The following PTPRT variants were observed in gnomAD, a reference collection of about 807,000 sequenced individuals.
The protein encoded by PTPRT is receptor-type tyrosine-protein phosphatase T.
A neutral mutation model predicts 176.8 loss-of-function variants in PTPRT; 56 were observed. The observed-to-expected ratio is 0.32, with a 90% confidence interval of 0.26 to 0.40. The LOEUF (loss-of-function observed/expected upper bound fraction) is 0.40. Among genes scored for constraint, PTPRT ranks in the 10% least tolerant of loss-of-function variants. The pLI is 1.00. For synonymous variants in PTPRT, 783 were observed against 739.0 expected (o/e 1.06, Z -0.96); for missense variants, 1,540 against 1,908.2 (o/e 0.81, Z 3.60).
chr20:42,885,727 G>A (rs1449082255), intron 2 of PTPRT, 80 bp downstream of exon 2: 1 of 1,523,854 alleles, frequency 6.6e-7, no homozygotes. Flanking sequence ...AGCTCAATGT[G>A]TAAGTAAGTT....
intron 9 of PTPRT, among the ~76,000 whole-genome samples, chr20:42,433,986 C>T (rs8123429): frequency 0.79 from 120,693 of 152,106 alleles, 48,166 homozygotes; most frequent in Admixed American, 0.85. Flanking sequence ...AAAGTAAATA[C>T]GGTCCATATG....
chr20:42,351,685 A>AATTCATTCATTCATTC (rs56938076), intron 10 of PTPRT, among the ~76,000 whole-genome samples: 1 of 150,834 alleles, frequency 6.6e-6, no homozygotes, highest in Non-Finnish European at 1.5e-5. Context: ...CTATAATAGT[A>AATTCATTCATTCATTC]ATTCATTCAT....
chr20:42,819,654 C>T (rs945593996), intron 2 of PTPRT, among the ~76,000 whole-genome samples: 5 of 151,744 alleles, frequency 3.3e-5, no homozygotes, highest in African/African-American at 1.2e-4. Flanking sequence ...ATTCAGGAGA[C>T]CCAACTTACA....
At chr20:43,142,863 C>T (rs1330749832) in intron 1 of PTPRT, among the ~76,000 whole-genome samples, 2 of 152,200 alleles carry the variant, frequency 1.3e-5, no homozygotes, top group Admixed American at 1.3e-4. Context: ...GCTGCCTCTA[C>T]CAACAGAAAG....
chr20:42,195,059 G>A (rs1189886452), intron 16 of PTPRT, among the ~76,000 whole-genome samples: 3 of 152,128 alleles, frequency 2.0e-5, no homozygotes, highest in African/African-American at 7.2e-5. Flanking sequence ...AATGTTAAAT[G>A]ACGAGTTACT....
At chr20:42,296,179 G>C (rs980700133) in intron 12 of PTPRT, among the ~76,000 whole-genome samples, 1 of 152,216 alleles carries the variant, frequency 6.6e-6, no homozygotes. Context: ...CAGGTGCCCT[G>C]GCTTACGCCT....
intron 27 of PTPRT, among the ~76,000 whole-genome samples, chr20:42,092,926 G>C (rs914310307): frequency 6.6e-6 from 1 of 152,192 alleles, no homozygotes; most frequent in Non-Finnish European, 1.5e-5. Context: ...GCTTTCCACA[G>C]TGGGAGCCCC....
chr20:42,915,045 C>G (rs1978645357), intron 1 of PTPRT, among the ~76,000 whole-genome samples: 1 of 151,986 alleles, frequency 6.6e-6, no homozygotes, highest in African/African-American at 2.4e-5. Flanking sequence ...AAAATGAAAG[C>G]TAAGGAGGGA....
intron 7 of PTPRT, among the ~76,000 whole-genome samples, chr20:42,575,105 G>GC (rs1368951600): frequency 2.0e-5 from 3 of 152,144 alleles, no homozygotes; most frequent in Non-Finnish European, 4.4e-5. Flanking sequence ...GGACCGACTG[G>GC]TGCAAAGCTG....
At chr20:42,624,004 G>GCAAAAAAAAAAAAAAAAAAA (rs2074245799) in intron 7 of PTPRT, among the ~76,000 whole-genome samples, 2 of 97,810 alleles carry the variant, frequency 2.0e-5, no homozygotes, top group Non-Finnish European at 4.0e-5. Context: ...CAAAACAATA[G>GCAAAAAAAAAAAAAAAAAAA]CAACAAACAA....
chr20:42,980,590 C>T (rs1983218684), intron 1 of PTPRT, among the ~76,000 whole-genome samples: 2 of 152,180 alleles, frequency 1.3e-5, no homozygotes, highest in African/African-American at 4.8e-5. Flanking sequence ...TTCCCCCCAC[C>T]CTACTGCAGC....
intron 7 of PTPRT, among the ~76,000 whole-genome samples, chr20:42,577,064 T>A (rs944086084): frequency 4.9e-4 from 74 of 152,222 alleles, no homozygotes; most frequent in African/African-American, 1.8e-3. Flanking sequence ...TCAAGCAGTA[T>A]TTTAGAAACA....
intron 4 of PTPRT, among the ~76,000 whole-genome samples, chr20:42,775,060 C>G (rs1053860667): frequency 6.6e-6 from 1 of 152,186 alleles, no homozygotes; most frequent in Non-Finnish European, 1.5e-5. Context: ...ACATGGTTGA[C>G]CTTGGTACCC....
intron 7 of PTPRT, among the ~76,000 whole-genome samples, chr20:42,492,532 T>C (rs2071579205): frequency 6.6e-6 from 1 of 152,182 alleles, no homozygotes; most frequent in Non-Finnish European, 1.5e-5. Context: ...TAAATAAATT[T>C]AAACTTTTAG....
At chr20:42,778,805 A>C (rs1429147175) in intron 4 of PTPRT, among the ~76,000 whole-genome samples, 1 of 152,208 alleles carries the variant, frequency 6.6e-6, no homozygotes, top group African/African-American at 2.4e-5. Context: ...AGCTGGGGGG[A>C]TTTCTGGGAT....
At position 43,065,915 on chromosome 20, in the gene PTPRT, T is replaced by C. The variant is rs73907489; in HGVS notation, c.88+123731A>G. On this transcript the variant is annotated intron_variant, in intron 1 of 30. Transcript: ENST00000373187. ...CCATAGAGTTAAAGCAATTTGCAAG[T>C]TGCACATCTAGCAAGCAAGAGAACC... is the stretch of plus-strand genomic sequence containing the variant. Among the ~76,000 whole-genome samples the C allele has an allele frequency of 6.0e-3, 908 of 152,304 alleles. 14 individuals are homozygous for C. The highest frequency in any genetic ancestry group is 0.021 in the African/African-American group (881 of 41,562).
chr20:42,035,441 A>T, the PTPRT span, among the ~76,000 whole-genome samples: 1 of 152,106 alleles, frequency 6.6e-6, no homozygotes, highest in East Asian at 1.9e-4. Flanking sequence ...TTACCATGGG[A>T]AAGGTAGCAT....
intron 1 of PTPRT, among the ~76,000 whole-genome samples, chr20:42,940,386 T>C (rs1406788667): frequency 6.6e-6 from 1 of 152,166 alleles, no homozygotes; most frequent in Non-Finnish European, 1.5e-5. Flanking sequence ...TGTATTCGCA[T>C]AGCCATAACC....
intron 2 of PTPRT, among the ~76,000 whole-genome samples, chr20:42,878,437 A>G (rs144189080): frequency 5.6e-4 from 85 of 152,342 alleles, no homozygotes; most frequent in African/African-American, 1.7e-3. Context: ...TATTTTTGCC[A>G]TCATAAATCA....
Sources: gnomAD v4.1 joint callset for allele counts (sites outside exome capture counted in the v4.1 genomes callset) on GRCh38, gnomAD v4.1.1 for gene constraint, MANE v1.5 for transcripts, NCBI Gene and HGNC (gene_info 2026-07-23, HGNC 2026-07-21) for gene names.